The following LPA variants were observed in gnomAD, a reference collection of about 807,000 sequenced individuals.
LPA encodes the protein apolipoprotein(a).
A neutral mutation model predicts 197.9 loss-of-function variants in LPA; 199 were observed. The observed-to-expected ratio is 1.01, with a 90% confidence interval of 0.90 to 1.13. LPA has a LOEUF of 1.13. LPA is among the 50% of genes most tolerant of loss of function. The probability of loss-of-function intolerance (pLI) is 0.00; values close to 1 mark genes in which losing one functional copy is unlikely to be tolerated. For missense variants in LPA, 1,853 were observed against 1,785.8 expected, an observed-to-expected ratio of 1.04 and a Z score of -0.68; for synonymous variants, 715 against 639.5, an observed-to-expected ratio of 1.12 and a Z score of -1.78.
chr6:160,608,583 T>C lies in LPA; in HGVS notation c.2604-1925A>G, dbSNP rs1779410853. Among the ~76,000 whole-genome samples, 3 of 152,096 alleles carry C rather than the reference T, an allele frequency of 2.0e-5. No individual in the cohort carries two copies. The South Asian group carries it at 6.2e-4, about 32-fold the overall frequency. ...AAGTACAAAAGTGCATCATACCAGA[T>C]TTTTTCTTTTTTTCGAAACGCCTAT... On this transcript the variant is annotated intron_variant, in intron 16 of 38. Transcript: ENST00000316300.
chr6:160,572,373 G>A (rs1217459601), intron 28 of LPA, among the ~76,000 whole-genome samples: 2 of 152,186 alleles, frequency 1.3e-5, no homozygotes, highest in Non-Finnish European at 2.9e-5. Flanking sequence ...GAGCATTTAG[G>A]CCATTTAGAT....
intron 28 of LPA, among the ~76,000 whole-genome samples, chr6:160,561,375 GTA>G (rs1243808203): frequency 3.9e-5 from 6 of 152,154 alleles, no homozygotes. Context: ...TCCAATAGTT[GTA>G]GATGTGTGGT....
chr6:160,664,094 C>T (rs1482531172), intron 1 of LPA, 72 bp downstream of exon 1: 1 of 1,283,064 alleles, frequency 7.8e-7, no homozygotes, highest in African/African-American at 1.5e-5. Flanking sequence ...CACATAAAGC[C>T]ATGGCATATG....
At position 160,605,125 on chromosome 6, in the gene LPA, C is replaced by G. The variant is rs200190762; in HGVS notation, c.2866G>C (p.Val956Leu). The change falls in exon 18 of 39, where the codon GTC becomes CTC. Residue 956 changes from valine (V) to leucine (L), a missense_variant. Transcript: ENST00000316300. ...QSYQGTYFIT[V>L]TGRTCQAWSS... ...CAAGCTTGGCAGGTTCTTCCTGTGA[C>G]AGTAATGAAGTATGTGCCTTGATAA... is the stretch of plus-strand genomic sequence containing the variant. 1.2e-6 allele frequency: 2 copies of G among 1,613,938 alleles called. No individual in the cohort carries two copies. Among genetic ancestry groups the G allele is most frequent in the South Asian group, 1.1e-5 (1 of 91,074 alleles).
chr6:160,609,927 C>G (rs1425524111), intron 16 of LPA, among the ~76,000 whole-genome samples: 3 of 151,976 alleles, frequency 2.0e-5, no homozygotes, highest in Non-Finnish European at 4.4e-5. Flanking sequence ...GGCGGACATA[C>G]AGTAATTTCT....
chr6:160,606,426 C>A (rs1470890804), intron 17 of LPA, 51 bp downstream of exon 17: 1 of 1,602,578 alleles, frequency 6.2e-7, no homozygotes, highest in Non-Finnish European at 8.5e-7. Flanking sequence ...ATTTCCATGG[C>A]TTTTCATCCC....
intron 24 of LPA, among the ~76,000 whole-genome samples, chr6:160,587,797 G>T (rs56346562): frequency 0.017 from 2,297 of 131,586 alleles, 29 homozygotes; most frequent in Middle Eastern, 0.068. Flanking sequence ...GTGTGTGTGT[G>T]TGTTTCTGTC....
chr6:160,650,454 A>G lies in LPA; in HGVS notation c.93T>C (p.Gly31=). 1 of 1,613,854 alleles carries G rather than the reference A, an allele frequency of 6.2e-7. No individual in the cohort carries two copies. The highest frequency in any genetic ancestry group is 1.7e-5 in the Admixed American group (1 of 60,014). The change falls in exon 2 of 39, where the codon GGT becomes GGC. Residue 31 remains glycine, a synonymous_variant. Coordinates refer to ENST00000316300, the MANE Select transcript of LPA (RefSeq NM_005577.4). ...ACGTGCCTCGATAACTCTGTCCATC[A>G]CCATGGTAGCAATCCTGGACCACAT... ...QSHVVQDCYH[G]DGQSYRGTYS...
chr6:160,599,457 C>T (rs1384168003), intron 20 of LPA, 43 bp downstream of exon 20: 2 of 1,611,108 alleles, frequency 1.2e-6, no homozygotes, highest in East Asian at 2.2e-5. Context: ...ACAGAAACTT[C>T]CATTGGCCCT....
intron 23 of LPA, among the ~76,000 whole-genome samples, chr6:160,590,268 T>G (rs894579206): frequency 2.0e-5 from 3 of 152,158 alleles, no homozygotes; most frequent in African/African-American, 7.2e-5. Context: ...GCGGGAAATC[T>G]TGGGCCCAGG....
intron 1 of LPA, among the ~76,000 whole-genome samples, chr6:160,654,005 A>G (rs1230448430): frequency 0.043 from 204 of 4,692 alleles, 8 homozygotes; most frequent in African/African-American, 0.11. Flanking sequence ...ATTATATATA[A>G]TATATATTAT....
intron 16 of LPA, among the ~76,000 whole-genome samples, chr6:160,610,690 C>T (rs1473341592): frequency 6.6e-6 from 1 of 152,030 alleles, no homozygotes; most frequent in Non-Finnish European, 1.5e-5. Flanking sequence ...CTAGAAAATA[C>T]CAGAGTCATC....
intron 28 of LPA, 131 bp downstream of exon 28, chr6:160,577,005 G>T (rs1778696214): frequency 2.8e-6 from 3 of 1,053,580 alleles, no homozygotes; most frequent in Middle Eastern, 3.1e-4. Context: ...AAAAGCAAAG[G>T]TCCTGAGACA....
At chr6:160,553,954 T>TGTGTGTGTGCGTGTGTGC (rs771903485) in intron 30 of LPA, among the ~76,000 whole-genome samples, 1 of 130,748 alleles carries the variant, frequency 7.6e-6, no homozygotes, top group Non-Finnish European at 1.6e-5. Context: ...TGTGTGTGTG[T>TGTGTGTGTGCGTGTGTGC]GCGCGCGCGC....
intron 23 of LPA, among the ~76,000 whole-genome samples, chr6:160,590,414 A>C (rs1281166053): frequency 1.3e-5 from 2 of 152,148 alleles, no homozygotes; most frequent in East Asian, 3.8e-4. Context: ...GCACCTGCCT[A>C]AGATTAAGGT....
Position 160,557,457 on chromosome 6 carries a change from T to C in LPA, c.4746A>G (p.Thr1582=), listed in dbSNP as rs1417187545. ...TGGGAGTCTCTAGGACACCTGATTCTGTTTCTGAGCATTGTGTCAGATTGC... is the reference window on the plus strand; with the variant it reads ...TGGGAGTCTCTAGGACACCTGATTCCGTTTCTGAGCATTGTGTCAGATTGC... ...EYCNLTQCSE[T]ESGVLETPTV... is the part of the protein sequence containing the mutation. The change falls in exon 29 of 39, where the codon ACA becomes ACG. Residue 1582 remains threonine (T), a synonymous_variant. Coordinates refer to ENST00000316300, the MANE Select transcript of LPA (RefSeq NM_005577.4). The C allele has an allele frequency of 6.2e-7, 1 of 1,614,166 alleles. No homozygotes were observed.
Position 160,654,292 on chromosome 6 carries a change from G to T in LPA, c.50-3795C>A, listed in dbSNP as rs185531044. ...ACAGGAGAAAGATGTAGGCTGGGAA[G>T]CTAATTCAGTCTAGTCTTTTCACAT... On this transcript the variant is annotated intron_variant, in intron 1 of 38. Coordinates refer to ENST00000316300, the MANE Select transcript of LPA (RefSeq NM_005577.4). Among the ~76,000 whole-genome samples the T allele has an allele frequency of 2.2e-4, 33 of 148,808 alleles. No individual in the cohort carries two copies. In the East Asian group the frequency reaches 4.7e-3, roughly 21 times the overall value.
chr6:160,558,143 T>C (rs1778300450), intron 28 of LPA, among the ~76,000 whole-genome samples: 1 of 152,024 alleles, frequency 6.6e-6, no homozygotes, highest in African/African-American at 2.4e-5. Context: ...ATGGTCTCAA[T>C]CTCCTGACCT....
At chr6:160,550,220 G>GAA (rs35220367) in intron 30 of LPA, among the ~76,000 whole-genome samples, 1 of 137,944 alleles carries the variant, frequency 7.2e-6, no homozygotes, top group Non-Finnish European at 1.6e-5. Context: ...ACTCTGTCAA[G>GAA]AAAAAAAAAA....
Sources: allele counts gnomAD v4.1 joint callset (sites outside exome capture counted in the v4.1 genomes callset), GRCh38; gene constraint gnomAD v4.1.1; transcripts MANE v1.5; gene names NCBI Gene and HGNC (gene_info 2026-07-23, HGNC 2026-07-21).